Variants in GJA1 observed in about 807,000 individuals in gnomAD.
GJA1 encodes gap junction protein alpha 1.
Under a neutral mutation model 31.0 loss-of-function variants are expected in GJA1, and 9 were observed. The ratio of observed to expected loss-of-function variants is 0.29; its 90% confidence interval spans 0.17 to 0.51. The LOEUF is 0.51. Among genes scored for constraint, GJA1 ranks in the 20% least tolerant of loss-of-function variants. GJA1 has a pLI of 0.98. For synonymous variants in GJA1, 186 were observed against 180.1 expected, an observed-to-expected ratio of 1.03 and a Z score of -0.26; for missense variants, 278 against 468.8, an observed-to-expected ratio of 0.59 and a Z score of 3.76.
intron 1 of GJA1, among the ~76,000 whole-genome samples, chr6:121,444,296 C>G (rs561449757): frequency 1.1e-4 from 16 of 152,302 alleles, no homozygotes; most frequent in Admixed American, 1.0e-3. Context: ...AAGGGAAGCT[C>G]CCTTTCTTAT....
chr6:121,437,004 G>C (rs1773677215), intron 1 of GJA1, among the ~76,000 whole-genome samples: 1 of 152,222 alleles, frequency 6.6e-6, no homozygotes, highest in Non-Finnish European at 1.5e-5. Context: ...TTAGATTCTT[G>C]ACGTGACCCT....
At chr6:121,446,614 G>C (rs1773893536) in intron 1 of GJA1, among the ~76,000 whole-genome samples, 1 of 152,192 alleles carries the variant, frequency 6.6e-6, no homozygotes, top group South Asian at 2.1e-4. Flanking sequence ...TTGCTTCTAA[G>C]ACTTACTTTG....
At chr6:121,435,981 A>T (rs1422629481) in intron 1 of GJA1, 149 bp downstream of exon 1, 1 of 152,166 alleles carries the variant, frequency 6.6e-6, no homozygotes, top group African/African-American at 2.4e-5. Context: ...CTATAGTTTT[A>T]AAGTTAAAAT....
At chr6:121,437,919 T>G (rs1210352989) in intron 1 of GJA1, among the ~76,000 whole-genome samples, 1 of 152,148 alleles carries the variant, frequency 6.6e-6, no homozygotes, top group Non-Finnish European at 1.5e-5. Flanking sequence ...AAGCCTAATG[T>G]TTACTTTTGT....
intron 1 of GJA1, among the ~76,000 whole-genome samples, chr6:121,440,360 C>CT (rs1398490886): frequency 6.6e-6 from 1 of 152,006 alleles, no homozygotes; most frequent in East Asian, 1.9e-4. Context: ...GTTAAAAAGC[C>CT]TTTTTTCTTT....
At chr6:121,444,615 G>GAT (rs1554200857) in intron 1 of GJA1, among the ~76,000 whole-genome samples, 8 of 152,156 alleles carry the variant, frequency 5.3e-5, no homozygotes, top group Admixed American at 6.5e-5. Flanking sequence ...CCTACAAGGA[G>GAT]ATACAGCTCA....
At chr6:121,446,141 C>A (rs1209004594) in intron 1 of GJA1, among the ~76,000 whole-genome samples, 1 of 151,786 alleles carries the variant, frequency 6.6e-6, no homozygotes, top group Non-Finnish European at 1.5e-5. Flanking sequence ...ACTAAAAATA[C>A]AAAATTAGCC....
intron 1 of GJA1, among the ~76,000 whole-genome samples, chr6:121,443,577 G>C (rs997549432): frequency 6.6e-6 from 1 of 152,112 alleles, no homozygotes; most frequent in Non-Finnish European, 1.5e-5. Flanking sequence ...AAAATTATAT[G>C]AAAGTCATGT....
At position 121,443,105 on chromosome 6, in the gene GJA1, A is replaced by G. The variant is rs1465990024; in HGVS notation, c.-16-3727A>G. Among the ~76,000 whole-genome samples the G allele has an allele frequency of 2.0e-5, 3 of 152,180 alleles. No individual in the cohort carries two copies. The East Asian group carries it at 5.8e-4, about 29-fold the overall frequency. ...TAGATCAATGCCAGGGATTCTGTAA[A>G]CATATAATTATGCCCTTTTATTATA... On this transcript the variant is annotated intron_variant, in intron 1 of 1. Transcript: ENST00000282561.
intron 1 of GJA1, among the ~76,000 whole-genome samples, chr6:121,444,241 T>A (rs563417255): frequency 5.9e-5 from 9 of 152,326 alleles, no homozygotes; most frequent in African/African-American, 2.2e-4. Context: ...CAATTTCACT[T>A]CCTAACTTGT....
chr6:121,436,753 A>G (rs947493356), intron 1 of GJA1, among the ~76,000 whole-genome samples: 3 of 152,154 alleles, frequency 2.0e-5, no homozygotes, highest in Admixed American at 6.5e-5. Flanking sequence ...CCCCGCCAAC[A>G]CCCGCCGCCC....
chr6:121,445,645 T>C (rs1773874740), intron 1 of GJA1, among the ~76,000 whole-genome samples: 1 of 152,182 alleles, frequency 6.6e-6, no homozygotes, highest in South Asian at 2.1e-4. Context: ...TGTTTGTTTG[T>C]TTTTTAATAA....
intron 1 of GJA1, among the ~76,000 whole-genome samples, chr6:121,440,218 T>G (rs1487636043): frequency 6.6e-6 from 1 of 151,888 alleles, no homozygotes; most frequent in Non-Finnish European, 1.5e-5. Context: ...TTTTTTTTTT[T>G]GTTTTGTGTT....
At chr6:121,438,532 T>A (rs1379543912) in intron 1 of GJA1, among the ~76,000 whole-genome samples, 1 of 151,644 alleles carries the variant, frequency 6.6e-6, no homozygotes, top group Non-Finnish European at 1.5e-5. Context: ...TGTAGCTTGG[T>A]TTGAGCCTTT....
At position 121,447,069 on chromosome 6, in the gene GJA1, T is replaced by C. The variant is rs1773901000; in HGVS notation, c.222T>C (p.His74=). The change falls in exon 2 of 2, where the codon CAT becomes CAC. Residue 74 remains histidine (H), a synonymous_variant. Coordinates refer to ENST00000282561, the MANE Select transcript of GJA1 (RefSeq NM_000165.5). ...ATGACAAGTCTTTCCCAATCTCTCA[T>C]GTGCGCTTCTGGGTCCTGCAGATCA... The part of the protein sequence containing the change: ...VCYDKSFPIS[H]VRFWVLQIIF... The C allele has an allele frequency of 1.2e-6, 2 of 1,613,908 alleles. No individual in the cohort carries two copies. The highest frequency in any genetic ancestry group is 1.7e-6 in the Non-Finnish European group (2 of 1,179,772).
At chr6:121,443,514 CTGA>C (rs887600397) in intron 1 of GJA1, among the ~76,000 whole-genome samples, 2 of 152,140 alleles carry the variant, frequency 1.3e-5, no homozygotes, top group South Asian at 2.1e-4. Context: ...GAAGAGCTGT[CTGA>C]TGACTTAGTT....
rs1173976261 is a variant in GJA1 at position 121,448,201 on chromosome 6, GA to G, written c.*206del. The G allele has an allele frequency of 3.2e-6, 2 of 626,170 alleles. No individual in the cohort carries two copies. Among genetic ancestry groups the G allele is most frequent in the African/African-American group, 1.8e-5 (1 of 54,336 alleles). The allele number at this position is 626,170 out of a possible 1,614,324, so 38.8% of individuals were successfully genotyped here. ...ATGGGTGGAGAGGGAGGGGATAAGAGAGGTGCATGTTGGTATTTAAAGTAGT... is the reference window on the plus strand; with the variant it reads ...ATGGGTGGAGAGGGAGGGGATAAGAGGGTGCATGTTGGTATTTAAAGTAGT... On this transcript the variant is annotated 3_prime_UTR_variant, in exon 2 of 2. Transcript: ENST00000282561.
In GJA1 at chr6:121,449,156, A is replaced by G. The variant is rs552953700; in HGVS notation, c.*1160A>G. 10 of 167,134 alleles carry G rather than the reference A, an allele frequency of 6.0e-5. No homozygotes were observed. Among genetic ancestry groups the G allele is most frequent in the African/African-American group, 2.2e-4 (9 of 41,590 alleles). 10.4% of individuals were successfully genotyped at this position (167,134 alleles called of 1,614,324 possible). On this transcript the variant is annotated 3_prime_UTR_variant, in exon 2 of 2. Transcript: ENST00000282561. ...AATTTCCTTTTTCTGAAATGTAATC[A>G]TTGATGCTTGAATGATAGAATTTTA...
At position 121,447,982 on chromosome 6, in the gene GJA1, G is replaced by T; in HGVS notation, c.1135G>T (p.Asp379Tyr). 1 of 1,612,468 alleles carries T rather than the reference G, an allele frequency of 6.2e-7. No homozygotes were observed. The highest frequency in any genetic ancestry group is 1.1e-5 in the South Asian group (1 of 91,044). The change falls in exon 2 of 2, where the codon GAC becomes TAC. Residue 379 changes from aspartate to tyrosine, a missense_variant. This residue lies in a region of GJA1 where 172 missense variants were observed against 190.9 expected (regional missense o/e 0.90). Coordinates refer to ENST00000282561, the MANE Select transcript of GJA1 (RefSeq NM_000165.5). ...TGCCAGCAGCAGACCTCGGCCTGAT[G>T]ACCTGGAGATCTAGATACAGGCTTG... ...SRASSRPRPD[D>Y]LEI
Sources: allele counts gnomAD v4.1 joint callset (sites outside exome capture counted in the v4.1 genomes callset), GRCh38; gene constraint gnomAD v4.1.1; regional missense constraint gnomAD v4.1.1; transcripts MANE v1.5; gene names NCBI Gene and HGNC (gene_info 2026-07-23, HGNC 2026-07-21).